Variants in FAF2 observed in about 807,000 individuals in gnomAD.
FAF2 encodes FAS-associated factor 2.
A neutral mutation model predicts 62.3 loss-of-function variants in FAF2; 9 were observed. The observed-to-expected ratio is 0.14, with a 90% CI of 0.09 to 0.25. The LOEUF is 0.25. FAF2 is among the 10% of genes least tolerant of loss of function. The pLI is 1.00. For missense variants in FAF2, 368 were observed against 556.2 expected (o/e 0.66, Z 3.40); for synonymous variants, 202 against 198.0 (o/e 1.02, Z -0.17).
intron 1 of FAF2, among the ~76,000 whole-genome samples, chr5:176,451,869 TACAC>T (rs1362388520): frequency 6.3e-4 from 22 of 34,924 alleles, no homozygotes; most frequent in Non-Finnish European, 9.1e-4. Flanking sequence ...CATATATATA[TACAC>T]ACATATATAT....
chr5:176,478,487 A>G (rs914103063), intron 1 of FAF2, among the ~76,000 whole-genome samples: 4 of 152,054 alleles, frequency 2.6e-5, no homozygotes, highest in South Asian at 4.1e-4. Context: ...TCGAAAAAAA[A>G]GTGGCGGGGG....
chr5:176,461,648 G>C (rs1758381557), intron 1 of FAF2, among the ~76,000 whole-genome samples: 1 of 151,420 alleles, frequency 6.6e-6, no homozygotes, highest in South Asian at 2.1e-4. Flanking sequence ...TTTTTTTAAT[G>C]GGGTTATTAT....
chr5:176,469,824 T>C (rs1344949962), intron 1 of FAF2, among the ~76,000 whole-genome samples: 2 of 152,054 alleles, frequency 1.3e-5, no homozygotes, highest in Non-Finnish European at 2.9e-5. Context: ...TTATGAAGAG[T>C]GTATTAAGTT....
At chr5:176,480,850 C>T (rs1368273543) in intron 2 of FAF2, among the ~76,000 whole-genome samples, 1 of 151,740 alleles carries the variant, frequency 6.6e-6, no homozygotes, top group Non-Finnish European at 1.5e-5. Context: ...GGAGAAATAC[C>T]TAATGTAGAT....
At chr5:176,469,105 C>T (rs948749526) in intron 1 of FAF2, among the ~76,000 whole-genome samples, 1 of 151,074 alleles carries the variant, frequency 6.6e-6, no homozygotes, top group Non-Finnish European at 1.5e-5. Context: ...ATTAGCTGGG[C>T]GTGGTAGCAT....
At chr5:176,481,656 CA>C (rs1399294224) in intron 2 of FAF2, among the ~76,000 whole-genome samples, 128 of 137,230 alleles carry the variant, frequency 9.3e-4, no homozygotes, top group Admixed American at 7.3e-4. Flanking sequence ...GACTCTGTCT[CA>C]AAAAAAAAAA....
intron 1 of FAF2, among the ~76,000 whole-genome samples, chr5:176,472,759 A>G (rs1758596810): frequency 6.6e-6 from 1 of 151,816 alleles, no homozygotes; most frequent in South Asian, 2.1e-4. Context: ...GAAAAAAGAA[A>G]GAAAGAAAAA....
At chr5:176,492,141 G>A (rs1044123456) in intron 4 of FAF2, 53 bp from the exon 5 acceptor site, 37 of 1,610,410 alleles carry the variant, frequency 2.3e-5, no homozygotes, top group African/African-American at 4.0e-5. Context: ...TGGCCCACTC[G>A]ATATGCACTG....
Position 176,486,417 on chromosome 5 carries a change from A to G in FAF2, c.195A>G (p.Pro65=). 1 of 1,614,182 alleles carries G rather than the reference A, an allele frequency of 6.2e-7. No individual in the cohort carries two copies. Among genetic ancestry groups the G allele is most frequent in the Non-Finnish European group, 8.5e-7 (1 of 1,180,036 alleles). Reference sequence around the variant, plus strand: ...TACCTAGTGTTTTCAACCCACCTCCATCACGACCCCTGCAGGTTAATACAG... The same window carrying G: ...TACCTAGTGTTTTCAACCCACCTCCGTCACGACCCCTGCAGGTTAATACAG... The part of the protein sequence containing the change: ...EGVPSVFNPP[P]SRPLQVNTAD... Residue 65 remains proline, a synonymous_variant, in exon 3 of 11, where the codon CCA becomes CCG. Transcript: ENST00000261942.
Position 176,492,329 on chromosome 5 carries a change from C to T in FAF2, c.480C>T (p.Ser160=). The change falls in exon 5 of 11, where the codon AGC becomes AGT. Residue 160 remains serine, a synonymous_variant. Coordinates refer to ENST00000261942, the MANE Select transcript of FAF2 (RefSeq NM_014613.3). ...AHPVFYQGTY[S]QALNDAKREL... is the part of the protein sequence containing the mutation. ...CTGTCTTCTACCAGGGAACGTACAG[C>T]CAGGTCAGTGCCATAAACCATATAG... 6 of 1,612,912 alleles carry T rather than the reference C, an allele frequency of 3.7e-6. No individual in the cohort carries two copies. Among genetic ancestry groups the T allele is most frequent in the Non-Finnish European group, 4.2e-6 (5 of 1,179,538 alleles).
At chr5:176,495,376 A>T (rs1401716083) in intron 7 of FAF2, among the ~76,000 whole-genome samples, 1 of 152,178 alleles carries the variant, frequency 6.6e-6, no homozygotes, top group Non-Finnish European at 1.5e-5. Context: ...TGCAGGGGGC[A>T]GAAGGGAGGT....
intron 1 of FAF2, among the ~76,000 whole-genome samples, chr5:176,451,500 TGA>T (rs1408244231): frequency 1.3e-5 from 2 of 151,990 alleles, no homozygotes; most frequent in Admixed American, 6.6e-5. Context: ...ATTACAGATG[TGA>T]GCCACCACAC....
chr5:176,492,366 C>A, intron 5 of FAF2, 34 bp downstream of exon 5: 1 of 1,588,290 alleles, frequency 6.3e-7, no homozygotes, highest in Non-Finnish European at 8.6e-7. Context: ...TGCCAACTTA[C>A]CGAAATGATT....
At chr5:176,456,982 CTTA>C (rs1442026696) in intron 1 of FAF2, among the ~76,000 whole-genome samples, 1 of 152,106 alleles carries the variant, frequency 6.6e-6, no homozygotes, top group Admixed American at 6.6e-5. Context: ...AGTACAGACA[CTTA>C]TTATCAAGTT....
chr5:176,492,004 A>G (rs1370415942), intron 4 of FAF2, among the ~76,000 whole-genome samples, 190 bp from the exon 5 acceptor site: 1 of 152,208 alleles, frequency 6.6e-6, no homozygotes, highest in Non-Finnish European at 1.5e-5. Flanking sequence ...AACAGGCAAT[A>G]GAATAACACT....
At chr5:176,490,468 T>C (rs1288732126) in intron 4 of FAF2, among the ~76,000 whole-genome samples, 1 of 152,108 alleles carries the variant, frequency 6.6e-6, no homozygotes, top group African/African-American at 2.4e-5. Flanking sequence ...ATATGTAGTC[T>C]GGGCCTTCCC....
chr5:176,457,653 G>GGTGT (rs34549094), intron 1 of FAF2, among the ~76,000 whole-genome samples: 72,117 of 149,934 alleles, frequency 0.48, 17,186 homozygotes, highest in Admixed American at 0.51. Flanking sequence ...TGTTTTCAGG[G>GGTGT]GTGTGTGTGT....
intron 1 of FAF2, among the ~76,000 whole-genome samples, chr5:176,464,778 G>A (rs1160466270): frequency 2.0e-5 from 3 of 151,478 alleles, no homozygotes; most frequent in Non-Finnish European, 4.4e-5. Context: ...TCCCTTATGT[G>A]AAGTTGTGAG....
At chr5:176,481,172 G>A (rs766581186) in intron 2 of FAF2, among the ~76,000 whole-genome samples, 22 of 151,992 alleles carry the variant, frequency 1.4e-4, no homozygotes, top group Non-Finnish European at 2.4e-4. Flanking sequence ...TCAGTCTCCT[G>A]AGTAGCTGGG....
Sources: allele counts gnomAD v4.1 joint callset (sites outside exome capture counted in the v4.1 genomes callset), GRCh38; gene constraint gnomAD v4.1.1; transcripts MANE v1.5; gene names NCBI Gene and HGNC (gene_info 2026-07-23, HGNC 2026-07-21).